Variants in USH2A observed in about 807,000 individuals in gnomAD.
USH2A encodes usherin, also known as Usher syndrome 2A (autosomal recessive, mild).
In USH2A, 443 loss-of-function variants were observed where a neutral mutation model predicts 538.9. The observed-to-expected ratio is 0.82, with a 90% CI of 0.76 to 0.89. The LOEUF (loss-of-function observed/expected upper bound fraction) is 0.89, where lower values mean the gene tolerates loss of function less well. Ranked by LOEUF, USH2A falls within the 40% of genes least tolerant of loss-of-function variation. USH2A has a pLI of 0.00. For synonymous variants in USH2A, 2,413 were observed against 2,273.5 expected, an observed-to-expected ratio of 1.06 and a Z score of -1.75; for missense variants, 6,633 against 6,324.8, an observed-to-expected ratio of 1.05 and a Z score of -1.65.
chr1:216,255,029 C>T (rs2036233774), intron 11 of USH2A, among the ~76,000 whole-genome samples: 1 of 152,170 alleles, frequency 6.6e-6, no homozygotes, highest in Admixed American at 6.6e-5. Context: ...CTTTTACTAA[C>T]ATGGAAGGAA....
At chr1:215,722,216 AG>A (rs1381108530) in intron 61 of USH2A, among the ~76,000 whole-genome samples, 1 of 152,214 alleles carries the variant, frequency 6.6e-6, no homozygotes, top group Non-Finnish European at 1.5e-5. Context: ...GAACCGACCC[AG>A]GAAATATGAT....
Position 215,900,138 on chromosome 1 carries a change from C to A in USH2A, c.7531G>T (p.Val2511Phe), listed in dbSNP as rs1322530510. ...GCACTGCCAAATCCATTGGAGGCAA[C>A]CAACCGAAACATATACTCTGTGTAC... ...QPYTEYMFRL[V>F]ASNGFGSAHS... Residue 2511 changes from valine (V) to phenylalanine (F), a missense_variant, in exon 40 of 72, where the codon GTT (valine) becomes TTT (phenylalanine). Val to Phe is a conservative substitution (Grantham distance 50). Transcript: ENST00000307340. The A allele has an allele frequency of 6.2e-7, 1 of 1,613,768 alleles. No individual in the cohort carries two copies. Among genetic ancestry groups the A allele is most frequent in the East Asian group, 2.2e-5 (1 of 44,850 alleles).
intron 62 of USH2A, among the ~76,000 whole-genome samples, chr1:215,677,739 A>T (rs1658081640): frequency 6.6e-6 from 1 of 152,030 alleles, no homozygotes; most frequent in Non-Finnish European, 1.5e-5. Flanking sequence ...TGACCCCCAC[A>T]TTTATGCCTC....
intron 3 of USH2A, among the ~76,000 whole-genome samples, chr1:216,386,691 T>TA (rs936740798): frequency 2.0e-5 from 3 of 150,514 alleles, no homozygotes; most frequent in Admixed American, 6.6e-5. Context: ...CCGTCTCTAC[T>TA]AAAAATACAA....
At chr1:216,022,990 C>T (rs967269267) in intron 32 of USH2A, among the ~76,000 whole-genome samples, 1 of 152,082 alleles carries the variant, frequency 6.6e-6, no homozygotes, top group Non-Finnish European at 1.5e-5. Context: ...CAGCTTGATC[C>T]TAAGTGCAAG....
chr1:215,827,518 C>T (rs1663188458), intron 47 of USH2A, among the ~76,000 whole-genome samples: 1 of 152,060 alleles, frequency 6.6e-6, no homozygotes, highest in Non-Finnish European at 1.5e-5. Context: ...TTTCTGTTTA[C>T]ATTCTATATT....
intron 67 of USH2A, among the ~76,000 whole-genome samples, chr1:215,644,694 C>T (rs1571926642): frequency 6.6e-6 from 1 of 152,148 alleles, no homozygotes; most frequent in African/African-American, 2.4e-5. Context: ...CCTGGAGAAA[C>T]ATGCCTTCTG....
At chr1:216,177,229 T>G (rs980000444) in intron 20 of USH2A, among the ~76,000 whole-genome samples, 6 of 152,168 alleles carry the variant, frequency 3.9e-5, no homozygotes, top group Admixed American at 1.3e-4. Flanking sequence ...GCATTTGGTG[T>G]TGTCAGTGTT....
intron 47 of USH2A, among the ~76,000 whole-genome samples, chr1:215,824,183 A>G (rs1186136608): frequency 6.6e-6 from 1 of 152,106 alleles, no homozygotes; most frequent in African/African-American, 2.4e-5. Flanking sequence ...CAACTTTAGT[A>G]TATTTTCTTT....
At chr1:215,729,626 TTTTTG>T (rs1422827986) in intron 60 of USH2A, among the ~76,000 whole-genome samples, 2 of 152,018 alleles carry the variant, frequency 1.3e-5, no homozygotes, top group East Asian at 3.9e-4. Context: ...TTTTAGAGTT[TTTTTG>T]TTTTATTTAT....
intron 21 of USH2A, among the ~76,000 whole-genome samples, chr1:216,130,572 TATA>T (rs915946203): frequency 2.0e-4 from 30 of 146,688 alleles, no homozygotes; most frequent in African/African-American, 7.4e-4. Context: ...ATATATAATA[TATA>T]ATATATAATA....
At position 215,675,422 on chromosome 1, in the gene USH2A, G is replaced by T; in HGVS notation, c.12489C>A (p.Val4163=). The change falls in exon 63 of 72, where the codon GTC becomes GTA. Residue 4163 remains valine (V), a synonymous_variant. Transcript: ENST00000307340. ...CAACACTGGTGGACTTCACAGAGTGGACAGTAGGAGCCAGCTGAGAGTCTG... is the reference window on the plus strand; with the variant it reads ...CAACACTGGTGGACTTCACAGAGTGTACAGTAGGAGCCAGCTGAGAGTCTG... ...APPDSQLAPT[V]HSVKSTSVEL... is the part of the protein sequence containing the mutation. 6.2e-7 allele frequency: 1 copy of T among 1,614,040 alleles called. No individual in the cohort carries two copies. Among genetic ancestry groups the T allele is most frequent in the South Asian group, 1.1e-5 (1 of 91,076 alleles).
intron 29 of USH2A, among the ~76,000 whole-genome samples, chr1:216,070,752 G>T (rs2031532931): frequency 6.7e-6 from 1 of 149,242 alleles, no homozygotes; most frequent in South Asian, 2.1e-4. Context: ...GTACTTGAAT[G>T]CCTAGACCCA....
At chr1:216,384,513 G>A (rs1043810023) in intron 3 of USH2A, among the ~76,000 whole-genome samples, 1 of 152,128 alleles carries the variant, frequency 6.6e-6, no homozygotes, top group South Asian at 2.1e-4. Context: ...TTCGGTAGGA[G>A]TCTGCACTAG....
intron 47 of USH2A, among the ~76,000 whole-genome samples, chr1:215,830,462 T>C (rs1215768375): frequency 1.3e-5 from 2 of 152,028 alleles, no homozygotes; most frequent in Non-Finnish European, 2.9e-5. Context: ...TATTTTTTTT[T>C]CTCGAATTCC....
intron 57 of USH2A, 21 bp from the exon 58 acceptor site, chr1:215,758,773 G>T (rs1324388973): frequency 1.9e-6 from 3 of 1,612,054 alleles, no homozygotes; most frequent in African/African-American, 2.7e-5. Context: ...AAAGAAAGAA[G>T]AATTGTGGTA....
chr1:215,663,435 C>G (rs1243170867), intron 64 of USH2A, among the ~76,000 whole-genome samples: 2 of 152,290 alleles, frequency 1.3e-5, no homozygotes, highest in East Asian at 1.9e-4. Flanking sequence ...ATTTGGAAAA[C>G]AGGAAGGGTG....
chr1:215,957,455 G>T (rs913801793), intron 37 of USH2A, among the ~76,000 whole-genome samples: 5 of 152,184 alleles, frequency 3.3e-5, no homozygotes, highest in African/African-American at 1.2e-4. Flanking sequence ...GTTGCTTGAT[G>T]AGTATTTGTG....
rs572280093 is a variant in USH2A, at chr1:216,076,923, C to T, written c.5572+1166G>A. On this transcript the variant is annotated intron_variant, in intron 27 of 71. Transcript: ENST00000307340. ...TATGCTGGAAGTTACTATGCTTTCC[C>T]CACTTTACAAAGGAGCATTGACCAA... is the stretch of plus-strand genomic sequence containing the variant. Among the ~76,000 whole-genome samples the T allele has an allele frequency of 4.7e-4, 72 of 152,166 alleles. 1 individual carries two copies. The highest frequency in any genetic ancestry group is 1.5e-3 in the African/African-American group (62 of 41,526).
Sources: gnomAD v4.1 joint callset for allele counts (sites outside exome capture counted in the v4.1 genomes callset) on GRCh38, gnomAD v4.1.1 for gene constraint, MANE v1.5 for transcripts, NCBI Gene and HGNC (gene_info 2026-07-23, HGNC 2026-07-21) for gene names.